The following FARP1 variants were observed in gnomAD, a reference collection of about 807,000 sequenced individuals.
FARP1 encodes FERM, ARHGEF and pleckstrin domain-containing protein 1.
FARP1 carries 52 observed loss-of-function variants against 128.8 expected under a neutral mutation model. That is an observed-to-expected ratio of 0.40 (90% CI 0.32 to 0.51). The LOEUF is 0.51. Ranked by LOEUF, FARP1 falls within the 20% of genes least tolerant of loss-of-function variation. The pLI is 0.45. For missense variants in FARP1, 1,333 were observed against 1,367.9 expected (o/e 0.97, Z 0.40); for synonymous variants, 580 against 551.8 (o/e 1.05, Z -0.72).
At chr13:98,304,368 A>C (rs2139710973) in intron 2 of FARP1, among the ~76,000 whole-genome samples, 1 of 152,330 alleles carries the variant, frequency 6.6e-6, no homozygotes, top group East Asian at 1.9e-4. Flanking sequence ...AAATTATTTT[A>C]AAATGGTTTA....
intron 2 of FARP1, among the ~76,000 whole-genome samples, chr13:98,273,678 A>G (rs1433732599): frequency 2.0e-5 from 3 of 152,258 alleles, no homozygotes; most frequent in African/African-American, 4.8e-5. Context: ...TTGAAGTAAC[A>G]GTGATGAAAA....
At position 98,327,979 on chromosome 13, in the gene FARP1, C is replaced by T. The variant is rs187063132; in HGVS notation, c.172-15783C>T. 5.8e-4 allele frequency among the ~76,000 whole-genome samples: 89 copies of T among 152,220 alleles called. No individual in the cohort carries two copies. In the South Asian group the frequency reaches 0.013, roughly 22 times the overall value. On this transcript the variant is annotated intron_variant, in intron 2 of 26. Coordinates refer to ENST00000319562, the MANE Select transcript of FARP1 (RefSeq NM_005766.4). Reference sequence around the variant, plus strand: ...ATTCATGAAACGAGAACCATGCGCACGCGATTGAGATTCACGGTCCCATGT... The same window carrying T: ...ATTCATGAAACGAGAACCATGCGCATGCGATTGAGATTCACGGTCCCATGT...
Position 98,213,302 on chromosome 13 carries a change from G to C in FARP1, c.60G>C (p.Ser20=). Residue 20 remains serine, a synonymous_variant, in exon 2 of 27, where the codon TCG becomes TCC. Coordinates refer to ENST00000319562, the MANE Select transcript of FARP1 (RefSeq NM_005766.4). ...PGSRLGAPEN[S]GISTLERGQK... is the part of the protein sequence containing the mutation. ...CACGACTGGGGGCCCCGGAAAATTC[G>C]GGGATCAGTACCTTGGAACGTGGAC... 6.2e-7 allele frequency: 1 copy of C among 1,614,032 alleles called. No individual in the cohort carries two copies. Among genetic ancestry groups the C allele is most frequent in the Non-Finnish European group, 8.5e-7 (1 of 1,179,976 alleles).
chr13:98,344,310 G>A (rs556722082), intron 3 of FARP1, among the ~76,000 whole-genome samples: 2 of 152,250 alleles, frequency 1.3e-5, no homozygotes, highest in East Asian at 3.9e-4. Flanking sequence ...GGCAGGAGCT[G>A]GATGGATTCC....
intron 2 of FARP1, among the ~76,000 whole-genome samples, chr13:98,267,440 C>G (rs542647241): frequency 3.3e-5 from 5 of 152,326 alleles, no homozygotes; most frequent in African/African-American, 1.2e-4. Context: ...CTGTTCTTGA[C>G]TTTTCTGCTG....
intron 2 of FARP1, among the ~76,000 whole-genome samples, chr13:98,303,856 A>C (rs1488345562): frequency 6.6e-6 from 1 of 152,188 alleles, no homozygotes; most frequent in Non-Finnish European, 1.5e-5. Context: ...ACAATTAAGA[A>C]ATTCAAAGAC....
At chr13:98,226,094 G>A (rs1881747188) in intron 2 of FARP1, among the ~76,000 whole-genome samples, 1 of 152,162 alleles carries the variant, frequency 6.6e-6, no homozygotes, top group South Asian at 2.1e-4. Context: ...CTATAACAAA[G>A]TACCACAAAC....
At chr13:98,181,315 C>T (rs766324489) in intron 1 of FARP1, among the ~76,000 whole-genome samples, 5 of 152,136 alleles carry the variant, frequency 3.3e-5, no homozygotes, top group Non-Finnish European at 7.3e-5. Flanking sequence ...AGCAAATGAC[C>T]TAACTGCCCT....
At chr13:98,251,912 A>G (rs375496509) in intron 2 of FARP1, among the ~76,000 whole-genome samples, 2 of 152,154 alleles carry the variant, frequency 1.3e-5, no homozygotes, top group South Asian at 4.1e-4. Flanking sequence ...CAGTGACGCA[A>G]TCTTGGCTCA....
At chr13:98,408,068 T>A (rs1407672205) in intron 13 of FARP1, among the ~76,000 whole-genome samples, 1 of 152,198 alleles carries the variant, frequency 6.6e-6, no homozygotes, top group African/African-American at 2.4e-5. Flanking sequence ...AAGCGCTGAC[T>A]TTGTCTTTCC....
chr13:98,247,905 T>C (rs754286019), intron 2 of FARP1, among the ~76,000 whole-genome samples: 3 of 152,208 alleles, frequency 2.0e-5, no homozygotes, highest in Non-Finnish European at 4.4e-5. Context: ...AGCTGTGTAT[T>C]GAATGCTGGA....
intron 2 of FARP1, chr13:98,244,834 G>A: frequency 1.4e-6 from 2 of 1,479,558 alleles, no homozygotes; most frequent in Non-Finnish European, 1.8e-6. Flanking sequence ...TGCTGGGTAG[G>A]AGTAGATACA....
intron 19 of FARP1, 93 bp from the exon 20 acceptor site, chr13:98,438,711 G>C: frequency 1.0e-6 from 1 of 993,276 alleles, no homozygotes; most frequent in East Asian, 2.4e-5. Context: ...GCCCTCAGGG[G>C]CTACAAATTT....
intron 16 of FARP1, among the ~76,000 whole-genome samples, chr13:98,417,307 T>C (rs926362678): frequency 1.3e-5 from 2 of 150,930 alleles, no homozygotes; most frequent in Non-Finnish European, 3.0e-5. Context: ...ACAAGAAGAA[T>C]CAGATCTTCA....
chr13:98,391,518 G>A lies in FARP1; in HGVS notation c.1088+638G>A, dbSNP rs553337729. On this transcript the variant is annotated intron_variant, in intron 11 of 26. Transcript: ENST00000319562. Reference sequence around the variant, plus strand: ...ACTCCTGGGCTCAAGCCATCTTCCCGCCTTGGCCTCCCAAAGTGCTGGGAT... The same window carrying A: ...ACTCCTGGGCTCAAGCCATCTTCCCACCTTGGCCTCCCAAAGTGCTGGGAT... 2.6e-5 allele frequency among the ~76,000 whole-genome samples: 4 copies of A among 152,264 alleles called. No homozygotes were observed. The South Asian group carries it at 6.2e-4, about 24-fold the overall frequency.
intron 1 of FARP1, among the ~76,000 whole-genome samples, chr13:98,200,394 C>CT (rs1045783657): frequency 6.8e-6 from 1 of 147,014 alleles, no homozygotes; most frequent in Admixed American, 6.7e-5. Flanking sequence ...TTCACCCCCC[C>CT]CCCCTCCCCT....
At chr13:98,371,820 C>T (rs150113839) in intron 5 of FARP1, among the ~76,000 whole-genome samples, 264 of 152,290 alleles carry the variant, frequency 1.7e-3, no homozygotes, top group African/African-American at 5.3e-3. Context: ...TTCAGCAAAG[C>T]ATAAGTGACT....
chr13:98,369,793 A>C (rs1258084028), intron 5 of FARP1, among the ~76,000 whole-genome samples: 1 of 152,172 alleles, frequency 6.6e-6, no homozygotes, highest in African/African-American at 2.4e-5. Flanking sequence ...TAACCAGCCT[A>C]ATTCTTGTCA....
At chr13:98,324,858 C>G (rs1449779386) in intron 2 of FARP1, among the ~76,000 whole-genome samples, 6 of 152,216 alleles carry the variant, frequency 3.9e-5, no homozygotes, top group Non-Finnish European at 7.3e-5. Context: ...CAGCGAAGAC[C>G]TTCTGACCTA....
Sources: allele counts gnomAD v4.1 joint callset (sites outside exome capture counted in the v4.1 genomes callset), GRCh38; gene constraint gnomAD v4.1.1; transcripts MANE v1.5; gene names NCBI Gene and HGNC (gene_info 2026-07-23, HGNC 2026-07-21).